Variants in GNAO1 observed in about 807,000 individuals in gnomAD.
GNAO1 encodes the protein G protein subunit alpha o1.
For synonymous variants in GNAO1, 164 were observed against 180.7 expected, an observed-to-expected ratio of 0.91 and a Z score of 0.74; for missense variants, 166 against 478.7, an observed-to-expected ratio of 0.35 and a Z score of 6.10.
intron 3 of GNAO1, among the ~76,000 whole-genome samples, chr16:56,286,718 T>C (rs1458195211): frequency 6.6e-6 from 1 of 151,678 alleles, no homozygotes; most frequent in Non-Finnish European, 1.5e-5. Flanking sequence ...TGTGTGTGTG[T>C]GTGTGTGTGT....
At chr16:56,273,232 C>T (rs546999929) in intron 2 of GNAO1, among the ~76,000 whole-genome samples, 1 of 152,008 alleles carries the variant, frequency 6.6e-6, no homozygotes, top group South Asian at 2.1e-4. Context: ...CAGCTTCTTC[C>T]CTCTCTTTGT....
chr16:56,217,775 C>T (rs1229424364), intron 2 of GNAO1, among the ~76,000 whole-genome samples: 4 of 152,198 alleles, frequency 2.6e-5, no homozygotes, highest in Non-Finnish European at 5.9e-5. Flanking sequence ...AGGGTTGAGC[C>T]AGGATGTGAT....
At chr16:56,350,883 C>A (rs1491000880) in intron 6 of GNAO1, among the ~76,000 whole-genome samples, 1 of 152,178 alleles carries the variant, frequency 6.6e-6, no homozygotes, top group Non-Finnish European at 1.5e-5. Flanking sequence ...GGTCCAGACT[C>A]CCCCAACGCC....
chr16:56,266,505 TG>T (rs1458585517), intron 2 of GNAO1, among the ~76,000 whole-genome samples: 1 of 152,204 alleles, frequency 6.6e-6, no homozygotes. Context: ...ATTCAAAACA[TG>T]GATACTGTCT....
At chr16:56,206,178 G>A (rs775250961) in intron 2 of GNAO1, among the ~76,000 whole-genome samples, 3 of 151,998 alleles carry the variant, frequency 2.0e-5, no homozygotes, top group Non-Finnish European at 4.4e-5. Context: ...ACATTAGCTG[G>A]GCATGGTGGT....
intron 2 of GNAO1, among the ~76,000 whole-genome samples, chr16:56,218,724 T>C (rs1253867084): frequency 3.3e-5 from 5 of 152,188 alleles, no homozygotes; most frequent in African/African-American, 1.2e-4. Flanking sequence ...AGATTTTGTG[T>C]GTGATCTCTC....
intron 2 of GNAO1, among the ~76,000 whole-genome samples, chr16:56,238,460 C>T (rs2036662145): frequency 6.6e-6 from 1 of 152,202 alleles, no homozygotes; most frequent in South Asian, 2.1e-4. Context: ...GACCACAGCA[C>T]CACAGTCACA....
At chr16:56,355,637 C>A (rs770826312) in intron 8 of GNAO1, 1 of 152,258 alleles carries the variant, frequency 6.6e-6, no homozygotes, top group Non-Finnish European at 1.5e-5. Flanking sequence ...GCTTCTCTTT[C>A]GGGTGGTGGT....
At chr16:56,266,578 C>T (rs889777845) in intron 2 of GNAO1, among the ~76,000 whole-genome samples, 50 of 152,314 alleles carry the variant, frequency 3.3e-4, no homozygotes, top group African/African-American at 1.2e-3. Context: ...AAGGAGGGCC[C>T]GTGGCTTGGG....
At chr16:56,231,171 A>G (rs1287580374) in intron 2 of GNAO1, among the ~76,000 whole-genome samples, 4 of 152,202 alleles carry the variant, frequency 2.6e-5, no homozygotes, top group Non-Finnish European at 5.9e-5. Context: ...CTGTTGGTCC[A>G]TGCTCAGACT....
At chr16:56,275,805 C>A in intron 2 of GNAO1, 126 bp from the exon 3 acceptor site, 1 of 625,006 alleles carries the variant, frequency 1.6e-6, no homozygotes, top group Non-Finnish European at 2.5e-6. Flanking sequence ...ATTAATGTAG[C>A]AACTCAGTAA....
intron 3 of GNAO1, among the ~76,000 whole-genome samples, chr16:56,280,089 C>T (rs1041468301): frequency 9.2e-5 from 14 of 152,198 alleles, no homozygotes; most frequent in Admixed American, 9.2e-4. Flanking sequence ...TACCATGTGT[C>T]GGGCTGGTAC....
At chr16:56,254,428 G>A (rs1172318849) in intron 2 of GNAO1, among the ~76,000 whole-genome samples, 1 of 152,092 alleles carries the variant, frequency 6.6e-6, no homozygotes, top group Non-Finnish European at 1.5e-5. Context: ...ACAAACATCT[G>A]TATCCTCTGC....
chr16:56,296,561 C>G (rs2037289994), intron 3 of GNAO1, among the ~76,000 whole-genome samples: 1 of 152,098 alleles, frequency 6.6e-6, no homozygotes, highest in African/African-American at 2.4e-5. Flanking sequence ...AGGACCTACC[C>G]AGGGGGACAC....
intron 8 of GNAO1, 114 bp downstream of exon 8, chr16:56,355,195 C>A: frequency 3.0e-6 from 1 of 331,722 alleles, no homozygotes; most frequent in Admixed American, 5.0e-5. Flanking sequence ...TTTAAAGAGG[C>A]ATAACAAAAC....
intron 3 of GNAO1, among the ~76,000 whole-genome samples, chr16:56,289,437 C>A (rs1388291534): frequency 6.6e-6 from 1 of 152,202 alleles, no homozygotes; most frequent in Admixed American, 6.5e-5. Flanking sequence ...GACTGGCACA[C>A]ATGGGCCACG....
At chr16:56,317,939 G>A (rs183203873) in intron 3 of GNAO1, among the ~76,000 whole-genome samples, 184 of 152,268 alleles carry the variant, frequency 1.2e-3, no homozygotes, top group African/African-American at 4.3e-3. Context: ...TTCTGTAGGC[G>A]CAGGCCTTGC....
At chr16:56,295,843 C>T (rs539717126) in intron 3 of GNAO1, among the ~76,000 whole-genome samples, 18 of 152,356 alleles carry the variant, frequency 1.2e-4, no homozygotes, top group African/African-American at 4.1e-4. Context: ...ACCTGGGGCT[C>T]CTGGGTAGTT....
chr16:56,309,798 G>A (rs1567478215), intron 3 of GNAO1, among the ~76,000 whole-genome samples: 1 of 152,092 alleles, frequency 6.6e-6, no homozygotes, highest in African/African-American at 2.4e-5. Flanking sequence ...AGTGCCTGCT[G>A]TGCTGGGTGC....
Sources: allele counts gnomAD v4.1 joint callset (sites outside exome capture counted in the v4.1 genomes callset), GRCh38; gene constraint gnomAD v4.1.1; transcripts MANE v1.5; gene names NCBI Gene and HGNC (gene_info 2026-07-23, HGNC 2026-07-21).